The following ERG variants were observed in gnomAD, a reference collection of about 807,000 sequenced individuals.
ERG encodes transcriptional regulator ERG.
A neutral mutation model predicts 55.3 loss-of-function variants in ERG; 9 were observed. That is an observed-to-expected ratio of 0.16 (90% CI 0.10 to 0.28). The LOEUF is 0.28. Ranked by LOEUF, ERG falls within the 10% of genes least tolerant of loss-of-function variation. The pLI is 1.00. For synonymous variants in ERG, 223 were observed against 237.3 expected (o/e 0.94, Z 0.55); for missense variants, 434 against 631.6 (o/e 0.69, Z 3.35).
At chr21:38,549,067 C>A in intron 2 of ERG, among the ~76,000 whole-genome samples, 1 of 151,774 alleles carries the variant, frequency 6.6e-6, no homozygotes, top group Non-Finnish European at 1.5e-5. Flanking sequence ...GAGCCAAGAT[C>A]GCACCACCGC....
At position 38,403,716 on chromosome 21, in the gene ERG, G is replaced by C. The variant is rs748638159; in HGVS notation, c.389-7C>G. Reference sequence around the variant, plus strand: ...GTACTCCATAGCGTAGGATCTGAAAGGGGTGGGAACACATTCAGTCAATTC... The same window carrying C: ...GTACTCCATAGCGTAGGATCTGAAACGGGTGGGAACACATTCAGTCAATTC... On this transcript the variant is annotated splice_region_variant and splice_polypyrimidine_tract_variant and intron_variant, in intron 3 of 9. Transcript: ENST00000288319. 1.9e-5 allele frequency: 30 copies of C among 1,613,816 alleles called. No individual in the cohort carries two copies. Among genetic ancestry groups the C allele is most frequent in the Non-Finnish European group, 2.5e-5 (29 of 1,179,744 alleles).
At chr21:38,374,155 G>A in the ERG span, among the ~76,000 whole-genome samples, 18 of 152,204 alleles carry the variant, frequency 1.2e-4, no homozygotes, top group Middle Eastern at 3.4e-3. Context: ...CCAATTTTTC[G>A]CTCTCTTGTG....
At chr21:38,467,962 G>A (rs1045204593) in intron 1 of ERG, among the ~76,000 whole-genome samples, 1 of 152,182 alleles carries the variant, frequency 6.6e-6, no homozygotes, top group Non-Finnish European at 1.5e-5. Flanking sequence ...ACCCATTCTG[G>A]GAGATATGTA....
chr21:38,489,697 GCCTGGCGTAGGCCAA>G (rs2146672140), intron 1 of ERG, among the ~76,000 whole-genome samples: 1 of 152,344 alleles, frequency 6.6e-6, no homozygotes, highest in South Asian at 2.1e-4. Context: ...GCTGACTTTT[GCCTGGCGTAGGCCAA>G]GCCTCCTGGT....
the ERG span, among the ~76,000 whole-genome samples, chr21:38,371,889 A>G: frequency 6.6e-6 from 1 of 151,992 alleles, no homozygotes; most frequent in East Asian, 1.9e-4. Flanking sequence ...GGGGAGTATT[A>G]TTCTTTTTTA....
At chr21:38,521,768 T>C (rs2059596406) in intron 2 of ERG, among the ~76,000 whole-genome samples, 1 of 152,208 alleles carries the variant, frequency 6.6e-6, no homozygotes, top group Non-Finnish European at 1.5e-5. Flanking sequence ...ACTATACTAC[T>C]TGCAACTCTA....
intron 1 of ERG, chr21:38,471,031 A>G (rs2059134449): frequency 2.6e-5 from 4 of 152,170 alleles, no homozygotes. Context: ...CCTATTATTC[A>G]TTACGGTTTA....
At chr21:38,521,851 T>C (rs2059597438) in intron 2 of ERG, among the ~76,000 whole-genome samples, 1 of 152,206 alleles carries the variant, frequency 6.6e-6, no homozygotes, top group African/African-American at 2.4e-5. Context: ...GTGTCTTGGG[T>C]ACATTTGCAG....
At chr21:38,577,924 C>T (rs1381036167) in intron 1 of ERG, among the ~76,000 whole-genome samples, 1 of 152,234 alleles carries the variant, frequency 6.6e-6, no homozygotes, top group Non-Finnish European at 1.5e-5. Context: ...CCTGTGGCTG[C>T]CTCTGACCTG....
intron 2 of ERG, among the ~76,000 whole-genome samples, chr21:38,429,395 A>ATACACATG (rs140702750): frequency 0.018 from 256 of 13,968 alleles, no homozygotes; most frequent in South Asian, 0.043. Context: ...ATGTACACAT[A>ATACACATG]TACACATGTA....
chr21:38,642,073 G>A (rs911893717), intron 1 of ERG, among the ~76,000 whole-genome samples: 6 of 152,234 alleles, frequency 3.9e-5, no homozygotes, highest in Non-Finnish European at 8.8e-5. Context: ...AGAGACATAC[G>A]ATGGAATACT....
At chr21:38,657,120 A>T (rs545892847) in intron 1 of ERG, among the ~76,000 whole-genome samples, 27 of 50,508 alleles carry the variant, frequency 5.3e-4, no homozygotes, top group African/African-American at 4.4e-3. Context: ...TGGGATAATA[A>T]CAAAAAAAAA....
At chr21:38,575,348 T>C (rs2146864283) in intron 2 of ERG, among the ~76,000 whole-genome samples, 1 of 152,292 alleles carries the variant, frequency 6.6e-6, no homozygotes, top group South Asian at 2.1e-4. Flanking sequence ...GCAGGCCATA[T>C]GGTCTTTGTC....
chr21:38,575,773 A>T, intron 1 of ERG: 4 of 1,541,648 alleles, frequency 2.6e-6, no homozygotes, highest in Non-Finnish European at 3.6e-6. Flanking sequence ...AACAACATAC[A>T]TAATAATAAA....
rs562213996 is a variant in ERG, at chr21:38,439,014, C to T, written c.236+6390G>A. On this transcript the variant is annotated intron_variant, in intron 2 of 9. Transcript: ENST00000288319. ...GAGCCCACGCTGAGAATCACCACACCGGGGGAACCCTCACTCAACAGAATC... is the reference window on the plus strand; with the variant it reads ...GAGCCCACGCTGAGAATCACCACACTGGGGGAACCCTCACTCAACAGAATC... Among the ~76,000 whole-genome samples the T allele has an allele frequency of 5.3e-5, 8 of 152,288 alleles. No homozygotes were observed. The East Asian group carries it at 9.7e-4, about 18-fold the overall frequency.
chr21:38,544,870 A>G (rs1239052999), intron 2 of ERG, among the ~76,000 whole-genome samples: 2 of 152,064 alleles, frequency 1.3e-5, no homozygotes, highest in Non-Finnish European at 2.9e-5. Context: ...CAGGACCTTT[A>G]TCAACTCAGG....
chr21:38,444,386 G>C (rs2058869658), intron 2 of ERG, among the ~76,000 whole-genome samples: 1 of 152,114 alleles, frequency 6.6e-6, no homozygotes, highest in South Asian at 2.1e-4. Context: ...AGGACTGAGG[G>C]GCTACTGGAT....
chr21:38,418,270 A>AGTGGGTGTGTGT (rs369365038), intron 3 of ERG, among the ~76,000 whole-genome samples: 3 of 130,336 alleles, frequency 2.3e-5, no homozygotes, highest in African/African-American at 8.0e-5. Flanking sequence ...AACATTTGGA[A>AGTGGGTGTGTGT]GTGTGTGTGT....
chr21:38,593,990 T>A (rs1027804105), intron 1 of ERG, among the ~76,000 whole-genome samples: 4 of 152,112 alleles, frequency 2.6e-5, no homozygotes, highest in African/African-American at 7.2e-5. Context: ...AGATTCCCAA[T>A]TCGTATATCA....
Sources: allele counts gnomAD v4.1 joint callset (sites outside exome capture counted in the v4.1 genomes callset), GRCh38; gene constraint gnomAD v4.1.1; transcripts MANE v1.5; gene names NCBI Gene and HGNC (gene_info 2026-07-23, HGNC 2026-07-21).